Variants in PRKG1 observed in about 807,000 individuals in gnomAD.
PRKG1 encodes protein kinase cGMP-dependent 1, also known as cGMP-dependent protein kinase 1.
PRKG1 carries 35 observed loss-of-function variants against 88.1 expected under a neutral mutation model. That is an observed-to-expected ratio of 0.40 (90% CI 0.30 to 0.53). The LOEUF (loss-of-function observed/expected upper bound fraction) is 0.53, where lower values mean the gene tolerates loss of function less well. Among genes scored for constraint, PRKG1 ranks in the 20% least tolerant of loss-of-function variants. PRKG1 has a pLI of 0.59. For synonymous variants in PRKG1, 303 were observed against 292.5 expected, an observed-to-expected ratio of 1.04 and a Z score of -0.37; for missense variants, 540 against 839.8, an observed-to-expected ratio of 0.64 and a Z score of 4.41.
intron 2 of PRKG1, among the ~76,000 whole-genome samples, chr10:51,210,385 C>T (rs989558083): frequency 1.3e-5 from 2 of 152,032 alleles, no homozygotes; most frequent in African/African-American, 2.4e-5. Flanking sequence ...AATTGACACC[C>T]TAACATCACA....
At chr10:51,415,693 C>G (rs1007638438) in intron 2 of PRKG1, among the ~76,000 whole-genome samples, 22 of 152,204 alleles carry the variant, frequency 1.4e-4, no homozygotes, top group Admixed American at 1.4e-3. Context: ...ACATGAGTGG[C>G]ACCAGCCAAG....
intron 2 of PRKG1, among the ~76,000 whole-genome samples, chr10:51,237,878 G>A (rs746887887): frequency 2.6e-5 from 4 of 152,134 alleles, no homozygotes; most frequent in Non-Finnish European, 4.4e-5. Context: ...GGACTTCCAA[G>A]TAGATGGTTA....
intron 3 of PRKG1, among the ~76,000 whole-genome samples, chr10:51,755,797 G>A (rs1015659467): frequency 6.6e-6 from 1 of 152,084 alleles, no homozygotes; most frequent in African/African-American, 2.4e-5. Context: ...AAATCAAAAT[G>A]GTACTTATAA....
chr10:51,995,979 TA>T (rs1203385811), intron 5 of PRKG1, among the ~76,000 whole-genome samples: 1 of 151,964 alleles, frequency 6.6e-6, no homozygotes, highest in East Asian at 1.9e-4. Flanking sequence ...TACATTAAAC[TA>T]AAAAGCTTCT....
chr10:52,070,267 T>G (rs1457930257), intron 7 of PRKG1, among the ~76,000 whole-genome samples: 1 of 152,192 alleles, frequency 6.6e-6, no homozygotes, highest in Non-Finnish European at 1.5e-5. Context: ...CCTTCTGCCC[T>G]TGCCTACACA....
chr10:51,945,568 T>C (rs1182456823), intron 5 of PRKG1, among the ~76,000 whole-genome samples: 1 of 152,022 alleles, frequency 6.6e-6, no homozygotes, highest in Non-Finnish European at 1.5e-5. Context: ...CTTTACAATT[T>C]GGCATGATTT....
At chr10:51,236,024 T>A (rs1838978707) in intron 2 of PRKG1, among the ~76,000 whole-genome samples, 1 of 152,092 alleles carries the variant, frequency 6.6e-6, no homozygotes, top group Non-Finnish European at 1.5e-5. Context: ...TGTAGCTGCT[T>A]TGGGGTGGAA....
chr10:51,650,355 G>A (rs979491178), intron 3 of PRKG1, among the ~76,000 whole-genome samples: 2 of 152,064 alleles, frequency 1.3e-5, no homozygotes, highest in Non-Finnish European at 2.9e-5. Flanking sequence ...TGTACTCCTT[G>A]ATAAGAGTCC....
At chr10:51,831,329 G>A (rs964364395) in intron 4 of PRKG1, among the ~76,000 whole-genome samples, 1 of 151,684 alleles carries the variant, frequency 6.6e-6, no homozygotes, top group Non-Finnish European at 1.5e-5. Flanking sequence ...CTACAGGAAA[G>A]CATGAAGGCT....
chr10:52,017,755 A>T (rs992174454), intron 5 of PRKG1, among the ~76,000 whole-genome samples: 1 of 152,202 alleles, frequency 6.6e-6, no homozygotes, highest in African/African-American at 2.4e-5. Flanking sequence ...GTGATGCCAC[A>T]ATACCTAAGA....
At chr10:51,209,937 G>A (rs1438168024) in intron 2 of PRKG1, among the ~76,000 whole-genome samples, 1 of 152,120 alleles carries the variant, frequency 6.6e-6, no homozygotes. Flanking sequence ...AGCAGTGGAA[G>A]TGTGTTCTGA....
At chr10:51,783,655 C>G (rs1444968678) in intron 3 of PRKG1, among the ~76,000 whole-genome samples, 1 of 152,068 alleles carries the variant, frequency 6.6e-6, no homozygotes, top group Non-Finnish European at 1.5e-5. Flanking sequence ...TAAGTGTGTA[C>G]GTGTTTAAGC....
intron 2 of PRKG1, among the ~76,000 whole-genome samples, chr10:51,303,256 G>A (rs150261294): frequency 1.6e-3 from 236 of 152,002 alleles, no homozygotes; most frequent in African/African-American, 5.4e-3. Flanking sequence ...CCAAGTTTCC[G>A]TGCAATGTTT....
intron 4 of PRKG1, among the ~76,000 whole-genome samples, chr10:51,833,154 C>T (rs895815751): frequency 6.6e-6 from 1 of 152,196 alleles, no homozygotes; most frequent in African/African-American, 2.4e-5. Context: ...AGGGACCTGA[C>T]TTGCTGAGTC....
At chr10:51,940,911 T>C (rs1267459175) in intron 5 of PRKG1, among the ~76,000 whole-genome samples, 1 of 151,998 alleles carries the variant, frequency 6.6e-6, no homozygotes, top group African/African-American at 2.4e-5. Context: ...AAGTGAGAGA[T>C]AGAACAATTT....
chr10:52,089,653 C>A (rs1279014282), intron 7 of PRKG1, among the ~76,000 whole-genome samples: 1 of 151,956 alleles, frequency 6.6e-6, no homozygotes, highest in East Asian at 1.9e-4. Flanking sequence ...AGTATGAATG[C>A]AGATAAGTAG....
chr10:52,051,982 C>T (rs199556959), intron 5 of PRKG1, among the ~76,000 whole-genome samples: 2 of 152,066 alleles, frequency 1.3e-5, no homozygotes, highest in African/African-American at 4.8e-5. Context: ...ATGTTCTCCT[C>T]TCCCGCTTGT....
At chr10:51,454,952 C>G (rs1480781344) in intron 2 of PRKG1, among the ~76,000 whole-genome samples, 1 of 152,220 alleles carries the variant, frequency 6.6e-6, no homozygotes, top group Non-Finnish European at 1.5e-5. Flanking sequence ...CCCCCAACAT[C>G]TTATCTCATT....
At chr10:51,436,898 G>A (rs879660939) in intron 2 of PRKG1, among the ~76,000 whole-genome samples, 18 of 151,888 alleles carry the variant, frequency 1.2e-4, no homozygotes, top group Admixed American at 3.3e-4. Flanking sequence ...TGAACTGTCC[G>A]CAGTAGCTAA....
Sources: allele counts gnomAD v4.1 joint callset (sites outside exome capture counted in the v4.1 genomes callset), GRCh38; gene constraint gnomAD v4.1.1; transcripts MANE v1.5; gene names NCBI Gene and HGNC (gene_info 2026-07-23, HGNC 2026-07-21).